The following MAP4K3 variants were observed in gnomAD, a reference collection of about 807,000 sequenced individuals.
The protein encoded by MAP4K3 is MAPK/ERK kinase kinase kinase 3.
A neutral mutation model predicts 143.5 loss-of-function variants in MAP4K3; 94 were observed. The observed-to-expected ratio is 0.65, with a 90% CI of 0.55 to 0.78. The LOEUF is 0.78. MAP4K3 is among the 30% of genes least tolerant of loss of function. MAP4K3 has a pLI of 0.00. For missense variants in MAP4K3, 1,077 were observed against 1,068.1 expected (o/e 1.01, Z -0.12); for synonymous variants, 416 against 347.2 (o/e 1.20, Z -2.20).
intron 13 of MAP4K3, among the ~76,000 whole-genome samples, chr2:39,309,942 C>T (rs1682886525): frequency 6.6e-6 from 1 of 152,056 alleles, no homozygotes; most frequent in East Asian, 1.9e-4. Flanking sequence ...CTACCATCAA[C>T]CACACACTGA....
chr2:39,382,947 G>T (rs1007127132), intron 1 of MAP4K3, among the ~76,000 whole-genome samples: 10 of 152,194 alleles, frequency 6.6e-5, no homozygotes, highest in African/African-American at 1.9e-4. Flanking sequence ...AAGGGATGGG[G>T]AAAAGGGCAC....
At chr2:39,385,675 G>C (rs1403794584) in intron 1 of MAP4K3, among the ~76,000 whole-genome samples, 1 of 147,662 alleles carries the variant, frequency 6.8e-6, no homozygotes, top group East Asian at 2.0e-4. Flanking sequence ...TATCGCCCAG[G>C]CTAGGGTGCA....
chr2:39,339,729 T>C (rs1171751020), intron 4 of MAP4K3, among the ~76,000 whole-genome samples: 1 of 152,060 alleles, frequency 6.6e-6, no homozygotes, highest in African/African-American at 2.4e-5. Context: ...TTAGAATTTG[T>C]CACCATAGGC....
intron 1 of MAP4K3, among the ~76,000 whole-genome samples, chr2:39,387,447 C>A (rs759268309): frequency 1.3e-5 from 2 of 152,104 alleles, no homozygotes; most frequent in Non-Finnish European, 2.9e-5. Context: ...AGATCCTATA[C>A]GTAATTTCAA....
intron 3 of MAP4K3, among the ~76,000 whole-genome samples, chr2:39,349,857 C>A (rs899943679): frequency 1.3e-5 from 2 of 152,044 alleles, no homozygotes. Context: ...CATTTTTTTA[C>A]AAAATACATA....
At chr2:39,419,482 A>G (rs189616308) in intron 1 of MAP4K3, among the ~76,000 whole-genome samples, 1 of 152,336 alleles carries the variant, frequency 6.6e-6, no homozygotes, top group Non-Finnish European at 1.5e-5. Flanking sequence ...AGAAACAGCT[A>G]AAGAAACTCA....
intron 8 of MAP4K3, 41 bp downstream of exon 8, chr2:39,331,876 T>C (rs1683692623): frequency 7.8e-7 from 1 of 1,285,294 alleles, no homozygotes; most frequent in African/African-American, 1.5e-5. Context: ...TATCCAATAA[T>C]GATAGAACAA....
At chr2:39,255,289 T>C (rs1483526122) in intron 31 of MAP4K3, among the ~76,000 whole-genome samples, 1 of 152,200 alleles carries the variant, frequency 6.6e-6, no homozygotes, top group Non-Finnish European at 1.5e-5. Context: ...TTCTTGAGGG[T>C]AGACACCCAT....
intron 14 of MAP4K3, among the ~76,000 whole-genome samples, chr2:39,308,949 GAAAAAAT>G (rs1390915171): frequency 1.3e-5 from 2 of 150,184 alleles, no homozygotes; most frequent in African/African-American, 4.9e-5. Context: ...CTCAAAAAGA[GAAAAAAT>G]AAAAAATAAA....
chr2:39,341,102 AAACC>A (rs1665127423), intron 4 of MAP4K3, among the ~76,000 whole-genome samples: 2 of 152,192 alleles, frequency 1.3e-5, no homozygotes, highest in Non-Finnish European at 2.9e-5. Flanking sequence ...AAGTAAAAAT[AAACC>A]CATTCTTAGG....
intron 13 of MAP4K3, among the ~76,000 whole-genome samples, chr2:39,313,504 T>TTCTC (rs756573076): frequency 1.3e-5 from 2 of 151,830 alleles, no homozygotes; most frequent in Non-Finnish European, 2.9e-5. Flanking sequence ...TCTTTCTTCT[T>TTCTC]TCTCTCTCTC....
chr2:39,387,050 G>C (rs770184168), intron 1 of MAP4K3, among the ~76,000 whole-genome samples: 40 of 152,240 alleles, frequency 2.6e-4, no homozygotes, highest in African/African-American at 4.3e-4. Flanking sequence ...CTGACCTCAA[G>C]TGATCTACCC....
At chr2:39,413,996 G>A (rs1434632919) in intron 1 of MAP4K3, among the ~76,000 whole-genome samples, 1 of 152,122 alleles carries the variant, frequency 6.6e-6, no homozygotes, top group Non-Finnish European at 1.5e-5. Context: ...AATCTTTCAA[G>A]GTGACTGCAA....
At position 39,437,027 on chromosome 2, in the gene MAP4K3, G is replaced by A. The variant is rs748279752; in HGVS notation, c.-40C>T. 1.3e-6 allele frequency: 2 copies of A among 1,547,388 alleles called. No homozygotes were observed. Among genetic ancestry groups the A allele is most frequent in the Non-Finnish European group, 8.8e-7 (1 of 1,130,016 alleles). On this transcript the variant is annotated 5_prime_UTR_variant, in exon 1 of 34. Coordinates refer to ENST00000263881, the MANE Select transcript of MAP4K3 (RefSeq NM_003618.4). ...GCCCCCCGCCTCCCTCCCGGGCAGG[G>A]GAGGGGGGCCGCTCAGGGGGCCACA...
At chr2:39,359,579 G>A (rs1289830939) in intron 2 of MAP4K3, among the ~76,000 whole-genome samples, 1 of 152,252 alleles carries the variant, frequency 6.6e-6, no homozygotes, top group Non-Finnish European at 1.5e-5. Context: ...CCAACCCCAT[G>A]TTTCCCTTCT....
intron 1 of MAP4K3, among the ~76,000 whole-genome samples, chr2:39,419,466 C>T (rs1025099110): frequency 1.3e-5 from 2 of 151,996 alleles, no homozygotes; most frequent in South Asian, 2.1e-4. Context: ...TGCATCATAG[C>T]GCGATAGAAA....
intron 2 of MAP4K3, among the ~76,000 whole-genome samples, chr2:39,359,454 C>A (rs1665704044): frequency 6.6e-6 from 1 of 152,166 alleles, no homozygotes; most frequent in South Asian, 2.1e-4. Flanking sequence ...TCCAGCTTTT[C>A]CAGGCACACA....
intron 1 of MAP4K3, among the ~76,000 whole-genome samples, chr2:39,402,729 T>C (rs923024644): frequency 6.8e-6 from 1 of 148,072 alleles, no homozygotes; most frequent in African/African-American, 2.5e-5. Context: ...GAAAAATCAA[T>C]AAAATTAAGG....
intron 15 of MAP4K3, among the ~76,000 whole-genome samples, chr2:39,300,524 T>C (rs1165605344): frequency 6.6e-6 from 1 of 152,140 alleles, no homozygotes; most frequent in Non-Finnish European, 1.5e-5. Flanking sequence ...CCAACAACCA[T>C]GAAAAGAATG....
Sources: gnomAD v4.1 joint callset for allele counts (sites outside exome capture counted in the v4.1 genomes callset) on GRCh38, gnomAD v4.1.1 for gene constraint, MANE v1.5 for transcripts, NCBI Gene and HGNC (gene_info 2026-07-23, HGNC 2026-07-21) for gene names.